ABCA4: variants seen among roughly 807,000 people sequenced by gnomAD.
ABCA4 encodes ATP binding cassette subfamily A member 4.
A neutral mutation model predicts 263.7 loss-of-function variants in ABCA4; 196 were observed. The ratio of observed to expected loss-of-function variants is 0.74; its 90% CI spans 0.66 to 0.84. ABCA4 has a LOEUF of 0.84. ABCA4 is among the 40% of genes least tolerant of loss of function. The pLI is 0.00. For missense variants in ABCA4, 2,792 were observed against 2,855.1 expected (o/e 0.98, Z 0.50); for synonymous variants, 1,133 against 1,094.2 (o/e 1.04, Z -0.70).
At chr1:94,104,315 A>AG (rs1251886114) in intron 4 of ABCA4, among the ~76,000 whole-genome samples, 1 of 152,190 alleles carries the variant, frequency 6.6e-6, no homozygotes, top group Non-Finnish European at 1.5e-5. Context: ...CGAGTGCTTC[A>AG]GGGGCATGGG....
Position 94,034,341 on chromosome 1 carries a change from C to T in ABCA4, c.3863-2298G>A, listed in dbSNP as rs143753387. On this transcript the variant is annotated intron_variant, in intron 26 of 49. Coordinates refer to ENST00000370225, the MANE Select transcript of ABCA4 (RefSeq NM_000350.3). ...CTCTCTTCTTCTTCCCGATGCTAGCCTTTCCTTAAAACAGTTACTTTGGTT... is the reference window on the plus strand; with the variant it reads ...CTCTCTTCTTCTTCCCGATGCTAGCTTTTCCTTAAAACAGTTACTTTGGTT... Among the ~76,000 whole-genome samples, 577 of 152,238 alleles carry T rather than the reference C, an allele frequency of 3.8e-3. 10 individuals carry two copies. Among genetic ancestry groups the T allele is most frequent in the Admixed American group, 0.022 (335 of 15,288 alleles).
Position 94,080,626 on chromosome 1 carries a change from GC to G in ABCA4, c.950del (p.Gly317AlafsTer57), listed in dbSNP as rs761093501. 1 of 1,614,150 alleles carries G rather than the reference GC, an allele frequency of 6.2e-7. No individual in the cohort carries two copies. The highest frequency in any genetic ancestry group is 8.5e-7 in the Non-Finnish European group (1 of 1,180,024). On this transcript the variant is annotated frameshift_variant, in exon 8 of 50. Coordinates refer to ENST00000370225, the MANE Select transcript of ABCA4 (RefSeq NM_000350.3). LOFTEE classifies it high-confidence loss of function. ...GGPETFTKLM[G>X]ILSDLLCGYP... ...AGCCACACAGGAGGTCAGACAGGAT[GC>G]CCATCAGCTTTGTAAAGGTCTCTGG...
intron 15 of ABCA4, among the ~76,000 whole-genome samples, chr1:94,056,277 CAA>C (rs1330816744): frequency 2.5e-4 from 38 of 152,310 alleles, no homozygotes; most frequent in Admixed American, 2.5e-3. Flanking sequence ...TGATTCTTCT[CAA>C]AGAGTAGGAA....
intron 6 of ABCA4, among the ~76,000 whole-genome samples, chr1:94,095,321 T>G (rs1662094611): frequency 6.6e-6 from 1 of 151,394 alleles, no homozygotes; most frequent in South Asian, 2.1e-4. Flanking sequence ...ACAGGTTCCC[T>G]TGTCTCGGAG....
chr1:94,006,033 C>A (rs1406420679), intron 43 of ABCA4, among the ~76,000 whole-genome samples: 2 of 152,222 alleles, frequency 1.3e-5, no homozygotes, highest in Non-Finnish European at 2.9e-5. Context: ...AGTCAGATAA[C>A]TACCCACAGC....
intron 17 of ABCA4, among the ~76,000 whole-genome samples, chr1:94,050,508 T>G (rs1660806905): frequency 6.6e-6 from 1 of 152,268 alleles, no homozygotes; most frequent in Admixed American, 6.5e-5. Context: ...AATATTTGCC[T>G]TCCGTTGGCA....
intron 14 of ABCA4, among the ~76,000 whole-genome samples, chr1:94,060,140 T>A (rs776736763): frequency 8.5e-5 from 13 of 152,252 alleles, no homozygotes; most frequent in Non-Finnish European, 1.9e-4. Flanking sequence ...ATTTCAACTC[T>A]AGCCAGTAGT....
chr1:94,037,603 C>T (rs559101185), intron 24 of ABCA4, among the ~76,000 whole-genome samples: 42 of 147,592 alleles, frequency 2.8e-4, no homozygotes, highest in African/African-American at 1.0e-3. Flanking sequence ...AACCTGGGGG[C>T]GGAGGTTGGT....
chr1:94,056,523 C>T (rs927586489), intron 15 of ABCA4, 78 bp downstream of exon 15: 2 of 1,464,276 alleles, frequency 1.4e-6, no homozygotes, highest in African/African-American at 1.4e-5. Context: ...CCTCAGAGGG[C>T]AGGCTGGGCC....
In ABCA4 at chr1:94,084,225, G is replaced by A. The variant is rs144695319; in HGVS notation, c.769-784C>T. The stretch of plus-strand genomic sequence containing the variant: ...AACTGATGGAATCACTGATCCTAGA[G>A]GAGTCATGTAGGACTGAGTTCTAAG... On this transcript the variant is annotated intron_variant, in intron 6 of 49. Transcript: ENST00000370225. Among the ~76,000 whole-genome samples, 544 of 152,354 alleles carry A rather than the reference G, an allele frequency of 3.6e-3. 2 individuals carry two copies. Among genetic ancestry groups the A allele is most frequent in the Non-Finnish European group, 5.6e-3 (383 of 68,038 alleles).
intron 38 of ABCA4, among the ~76,000 whole-genome samples, chr1:94,012,869 C>T (rs486879): frequency 0.71 from 107,398 of 150,888 alleles, 40,466 homozygotes; most frequent in South Asian, 0.86. Flanking sequence ...AGCACACACC[C>T]GGCACGTGGT....
At position 94,037,181 on chromosome 1, in the gene ABCA4, G is replaced by C; in HGVS notation, c.3777C>G (p.Leu1259=). The C allele has an allele frequency of 6.2e-7, 1 of 1,614,208 alleles. No homozygotes were observed. Among genetic ancestry groups the C allele is most frequent in the East Asian group, 2.2e-5 (1 of 44,882 alleles). The change falls in exon 25 of 50, where the codon CTC becomes CTG. Residue 1259 remains leucine (L), a synonymous_variant. Transcript: ENST00000370225. ...GAGTGTCAGAAATTCCAAAACTGCTGAGACCAAGGTCAGCCAGCGTCTCCT... is the reference window on the plus strand; with the variant it reads ...GAGTGTCAGAAATTCCAAAACTGCTCAGACCAAGGTCAGCCAGCGTCTCCT... The part of the protein sequence containing the change: ...ELEETLADLG[L]SSFGISDTPL...
intron 1 of ABCA4, among the ~76,000 whole-genome samples, chr1:94,113,763 G>A (rs1205767523): frequency 6.6e-6 from 1 of 152,264 alleles, no homozygotes; most frequent in Admixed American, 6.5e-5. Flanking sequence ...AAACAAAGCA[G>A]GGCACACTGC....
At chr1:94,006,052 T>C (rs1189919195) in intron 43 of ABCA4, among the ~76,000 whole-genome samples, 1 of 152,200 alleles carries the variant, frequency 6.6e-6, no homozygotes, top group African/African-American at 2.4e-5. Context: ...GCGAGAGGCC[T>C]GCAGGGAGCA....
At chr1:93,998,713 A>ATTTTATTTTATTTTAT (rs1553186205) in intron 47 of ABCA4, among the ~76,000 whole-genome samples, 2 of 133,634 alleles carry the variant, frequency 1.5e-5, no homozygotes, top group African/African-American at 5.8e-5. Context: ...ATTTTATTTT[A>ATTTTATTTTATTTTAT]TTTATTTTAT....
intron 6 of ABCA4, among the ~76,000 whole-genome samples, chr1:94,084,500 T>C (rs1429836095): frequency 6.6e-6 from 1 of 152,248 alleles, no homozygotes; most frequent in Non-Finnish European, 1.5e-5. Context: ...GCTGTGTGTC[T>C]TTGCCCCTCT....
chr1:94,000,204 T>G (rs1300241180), intron 47 of ABCA4, among the ~76,000 whole-genome samples: 1 of 152,242 alleles, frequency 6.6e-6, no homozygotes, highest in Non-Finnish European at 1.5e-5. Flanking sequence ...TGCTCTTTTC[T>G]AGGTTATAAA....
intron 37 of ABCA4, among the ~76,000 whole-genome samples, 163 bp downstream of exon 37, chr1:94,015,576 A>G (rs1331975539): frequency 6.6e-6 from 1 of 152,176 alleles, no homozygotes; most frequent in Admixed American, 6.5e-5. Context: ...CAGAAGCCAG[A>G]CAGATCCCTG....
intron 4 of ABCA4, among the ~76,000 whole-genome samples, chr1:94,105,078 T>C (rs1245985435): frequency 6.6e-6 from 1 of 152,220 alleles, no homozygotes; most frequent in African/African-American, 2.4e-5. Flanking sequence ...TGGCTCCTGC[T>C]TTTATTATAC....
Sources: gnomAD v4.1 joint callset for allele counts (sites outside exome capture counted in the v4.1 genomes callset) on GRCh38, gnomAD v4.1.1 for gene constraint, MANE v1.5 for transcripts, NCBI Gene and HGNC (gene_info 2026-07-23, HGNC 2026-07-21) for gene names.